The following DMRT1 variants were observed in gnomAD, a reference collection of about 807,000 sequenced individuals.
The protein encoded by DMRT1 is doublesex and mab-3 related transcription factor 1.
In DMRT1, 7 loss-of-function variants were observed where a neutral mutation model predicts 32.3. The ratio of observed to expected loss-of-function variants is 0.22; its 90% CI spans 0.12 to 0.41. DMRT1 has a LOEUF of 0.41. Ranked by LOEUF, DMRT1 falls within the 10% of genes least tolerant of loss-of-function variation. DMRT1 has a pLI of 1.00. For synonymous variants in DMRT1, 278 were observed against 206.1 expected (o/e 1.35, Z -2.99); for missense variants, 625 against 500.5 (o/e 1.25, Z -2.37).
At chr9:845,772 C>T (rs1225298294) in intron 1 of DMRT1, among the ~76,000 whole-genome samples, 2 of 47,292 alleles carry the variant, frequency 4.2e-5, no homozygotes, top group Admixed American at 3.7e-4. Context: ...CTAAGCAGAC[C>T]CTGCCTGCCT....
At chr9:850,682 T>A (rs1475257811) in intron 2 of DMRT1, among the ~76,000 whole-genome samples, 1 of 152,198 alleles carries the variant, frequency 6.6e-6, no homozygotes, top group Non-Finnish European at 1.5e-5. Context: ...TCTAATTAGC[T>A]TTTTTCATTT....
intron 4 of DMRT1, among the ~76,000 whole-genome samples, chr9:966,342 C>A (rs1323220515): frequency 6.6e-6 from 1 of 151,522 alleles, no homozygotes; most frequent in African/African-American, 2.4e-5. Flanking sequence ...TAATGACTCC[C>A]TTTAAATTAA....
intron 4 of DMRT1, among the ~76,000 whole-genome samples, chr9:931,292 C>T (rs1818717032): frequency 6.6e-6 from 1 of 152,184 alleles, no homozygotes; most frequent in South Asian, 2.1e-4. Flanking sequence ...AACTATTAAA[C>T]CACAAGATTA....
At chr9:913,685 A>G (rs1022817841) in intron 3 of DMRT1, among the ~76,000 whole-genome samples, 4 of 151,500 alleles carry the variant, frequency 2.6e-5, no homozygotes, top group African/African-American at 7.3e-5. Context: ...ACTTGAGGCC[A>G]GGAATTTGAG....
chr9:912,395 C>T (rs954094086), intron 3 of DMRT1, among the ~76,000 whole-genome samples: 8 of 152,306 alleles, frequency 5.3e-5, no homozygotes, highest in African/African-American at 1.9e-4. Flanking sequence ...TCTTCTTTTA[C>T]TGGAATTCTT....
chr9:842,741 G>A lies in DMRT1; in HGVS notation c.354+549G>A, dbSNP rs74325007. ...AGTTGCGGGCTTCGCTCGGCTCGGG[G>A]TTCCCCACGATCTCTCACCCTGTGT... On this transcript the variant is annotated intron_variant, in intron 1 of 4. Transcript: ENST00000382276. 308 of 153,382 alleles carry A rather than the reference G, an allele frequency of 2.0e-3. 7 individuals are homozygous for A. The East Asian group carries it at 0.052, about 26-fold the overall frequency. The allele number at this position is 153,382 out of a possible 1,614,324, so 9.5% of individuals were successfully genotyped here. A position where few individuals can be genotyped will look rare whatever the true frequency, so the allele number is the denominator to read the frequency against.
chr9:848,339 A>T (rs1838992351), intron 2 of DMRT1, among the ~76,000 whole-genome samples: 2 of 152,168 alleles, frequency 1.3e-5, no homozygotes. Context: ...AATCTTGGCC[A>T]TTATTAAAAA....
At chr9:953,816 C>T (rs1173836061) in intron 4 of DMRT1, among the ~76,000 whole-genome samples, 1 of 152,178 alleles carries the variant, frequency 6.6e-6, no homozygotes, top group Non-Finnish European at 1.5e-5. Context: ...ATTTATTCAT[C>T]AACTACTATT....
At chr9:910,449 T>C (rs1397335509) in intron 3 of DMRT1, among the ~76,000 whole-genome samples, 3 of 152,196 alleles carry the variant, frequency 2.0e-5, no homozygotes, top group Non-Finnish European at 4.4e-5. Flanking sequence ...CTGGATAGAC[T>C]GTTCACTTTG....
At chr9:912,328 A>T (rs1249496449) in intron 3 of DMRT1, among the ~76,000 whole-genome samples, 1 of 152,212 alleles carries the variant, frequency 6.6e-6, no homozygotes, top group African/African-American at 2.4e-5. Context: ...ACAGAGCCAA[A>T]CCATATCAGT....
Position 968,025 on chromosome 9 carries a change from C to T in DMRT1, c.1008C>T (p.Ser336=), listed in dbSNP as rs762527500. The part of the protein sequence containing the change: ...PPSSQDSGLV[S]LSSSSPISNK... ...GCAGTCAAGATTCTGGCTTGGTTTCCCTCTCGAGCAGCTCTCCTATTAGTA... is the reference window on the plus strand; with the variant it reads ...GCAGTCAAGATTCTGGCTTGGTTTCTCTCTCGAGCAGCTCTCCTATTAGTA... The change falls in exon 5 of 5, where the codon TCC becomes TCT. Residue 336 remains serine (S), a synonymous_variant. Coordinates refer to ENST00000382276, the MANE Select transcript of DMRT1 (RefSeq NM_021951.3). 1 of 1,613,986 alleles carries T rather than the reference C, an allele frequency of 6.2e-7. No homozygotes were observed. The highest frequency in any genetic ancestry group is 1.7e-5 in the Admixed American group (1 of 59,996).
At chr9:929,351 C>T (rs544402025) in intron 4 of DMRT1, among the ~76,000 whole-genome samples, 8 of 152,160 alleles carry the variant, frequency 5.3e-5, no homozygotes, top group South Asian at 2.1e-4. Context: ...AGGCTGGACT[C>T]GAGCTCCTAG....
chr9:894,686 G>A (rs181696663), intron 3 of DMRT1: 1 of 214,956 alleles, frequency 4.7e-6, no homozygotes, highest in Non-Finnish European at 9.4e-6. Flanking sequence ...GTCATAATCT[G>A]TATGGAAGAA....
intron 2 of DMRT1, among the ~76,000 whole-genome samples, chr9:861,656 C>T (rs1815684863): frequency 6.6e-6 from 1 of 151,844 alleles, no homozygotes; most frequent in African/African-American, 2.4e-5. Context: ...CAGAGGGGCT[C>T]CTCACTTCCC....
At chr9:878,848 T>A (rs186644226) in intron 2 of DMRT1, among the ~76,000 whole-genome samples, 168 of 152,342 alleles carry the variant, frequency 1.1e-3, no homozygotes, top group Non-Finnish European at 1.8e-3. Flanking sequence ...AGTATTTCTT[T>A]GCTACGTGCA....
chr9:916,495 T>C (rs1356620754), intron 3 of DMRT1, among the ~76,000 whole-genome samples: 1 of 152,090 alleles, frequency 6.6e-6, no homozygotes, highest in South Asian at 2.1e-4. Context: ...CTCAGCCTCC[T>C]GAGTAGCTGA....
intron 2 of DMRT1, among the ~76,000 whole-genome samples, chr9:852,366 G>C (rs1341517520): frequency 2.1e-5 from 3 of 145,316 alleles, no homozygotes. Context: ...TTTTCCGGTG[G>C]TTTCATGTTT....
At chr9:869,168 G>GC (rs1304640804) in intron 2 of DMRT1, among the ~76,000 whole-genome samples, 1 of 152,124 alleles carries the variant, frequency 6.6e-6, no homozygotes, top group East Asian at 1.9e-4. Context: ...TTTTATCCGG[G>GC]GGCGGAACAG....
chr9:952,291 G>T (rs1055217085), intron 4 of DMRT1, among the ~76,000 whole-genome samples: 1 of 152,292 alleles, frequency 6.6e-6, no homozygotes, highest in Non-Finnish European at 1.5e-5. Flanking sequence ...GTTTTAGTTA[G>T]TTGTGGAGGT....
Sources: gnomAD v4.1 joint callset for allele counts (sites outside exome capture counted in the v4.1 genomes callset) on GRCh38, gnomAD v4.1.1 for gene constraint, MANE v1.5 for transcripts, NCBI Gene and HGNC (gene_info 2026-07-23, HGNC 2026-07-21) for gene names.